Variants in UNC5D observed in about 807,000 individuals in gnomAD.
UNC5D encodes netrin receptor UNC5D.
UNC5D carries 39 observed loss-of-function variants against 105.4 expected under a neutral mutation model. That is an observed-to-expected ratio of 0.37 (90% CI 0.29 to 0.48). The LOEUF (loss-of-function observed/expected upper bound fraction) is 0.48. Ranked by LOEUF, UNC5D falls within the 20% of genes least tolerant of loss-of-function variation. The pLI, the probability that UNC5D is intolerant of heterozygous loss-of-function variation, is 0.98. For synonymous variants in UNC5D, 452 were observed against 450.4 expected, an observed-to-expected ratio of 1.00 and a Z score of -0.04; for missense variants, 991 against 1,202.4, an observed-to-expected ratio of 0.82 and a Z score of 2.60.
rs141249765 is a variant in UNC5D, at chr8:35,473,809, G to T, written c.104-75483G>T. Among the ~76,000 whole-genome samples, 9 of 151,596 alleles carry T rather than the reference G, an allele frequency of 5.9e-5. No homozygotes were observed. The East Asian group carries it at 1.8e-3, about 30-fold the overall frequency. On this transcript the variant is annotated intron_variant, in intron 1 of 16. Transcript: ENST00000404895. ...TGTGTGTCTTTGTGTTGCTATAACA[G>T]AATATGTGAGCCTGGCTAATGTATT...
At chr8:35,597,059 G>C (rs1439158) in intron 4 of UNC5D, among the ~76,000 whole-genome samples, 71,860 of 151,978 alleles carry the variant, frequency 0.47, 20,392 homozygotes, top group African/African-American at 0.81. Flanking sequence ...AAACCAGGAG[G>C]CTTTGCTTCA....
At chr8:35,379,585 C>T (rs766845659) in intron 1 of UNC5D, among the ~76,000 whole-genome samples, 2 of 152,046 alleles carry the variant, frequency 1.3e-5, no homozygotes, top group Non-Finnish European at 2.9e-5. Flanking sequence ...TTGCCTGGAC[C>T]GTCCTGCACT....
At chr8:35,296,188 G>T (rs1259058639) in intron 1 of UNC5D, among the ~76,000 whole-genome samples, 1 of 152,162 alleles carries the variant, frequency 6.6e-6, no homozygotes, top group Non-Finnish European at 1.5e-5. Context: ...AACAGGAATT[G>T]CTGGTTACAT....
chr8:35,729,024 C>T (rs563846297), intron 10 of UNC5D, among the ~76,000 whole-genome samples: 23 of 152,192 alleles, frequency 1.5e-4, no homozygotes, highest in South Asian at 1.0e-3. Flanking sequence ...TCAGACTCCA[C>T]GTAGTATTTG....
At chr8:35,434,290 T>G (rs951864310) in intron 1 of UNC5D, among the ~76,000 whole-genome samples, 1 of 152,130 alleles carries the variant, frequency 6.6e-6, no homozygotes, top group Non-Finnish European at 1.5e-5. Flanking sequence ...ATGTAGCAAG[T>G]TCCACTAATG....
chr8:35,297,729 T>C (rs2128867879), intron 1 of UNC5D, among the ~76,000 whole-genome samples: 1 of 152,098 alleles, frequency 6.6e-6, no homozygotes, highest in East Asian at 1.9e-4. Context: ...ATTATAAATG[T>C]GACAGGTGTG....
At chr8:35,467,867 G>C (rs1809425355) in intron 1 of UNC5D, among the ~76,000 whole-genome samples, 1 of 152,128 alleles carries the variant, frequency 6.6e-6, no homozygotes, top group African/African-American at 2.4e-5. Context: ...TTTTTAGTGG[G>C]AGATTGTTTG....
At chr8:35,465,916 A>G (rs1809272780) in intron 1 of UNC5D, among the ~76,000 whole-genome samples, 1 of 152,162 alleles carries the variant, frequency 6.6e-6, no homozygotes, top group African/African-American at 2.4e-5. Flanking sequence ...AGGTGGAGGA[A>G]GGGACCATGA....
chr8:35,747,291 G>A (rs1830055738), intron 11 of UNC5D, among the ~76,000 whole-genome samples: 1 of 152,154 alleles, frequency 6.6e-6, no homozygotes, highest in Admixed American at 6.5e-5. Context: ...TTACTAACTT[G>A]AGAGAATAGG....
chr8:35,500,727 T>A (rs1811908661), intron 1 of UNC5D, among the ~76,000 whole-genome samples: 1 of 152,182 alleles, frequency 6.6e-6, no homozygotes, highest in South Asian at 2.1e-4. Flanking sequence ...CACAGAGCCT[T>A]GTATATCACG....
At chr8:35,515,049 G>A (rs986089559) in intron 1 of UNC5D, among the ~76,000 whole-genome samples, 1 of 152,274 alleles carries the variant, frequency 6.6e-6, no homozygotes, top group South Asian at 2.1e-4. Context: ...ATGGATTTCC[G>A]GTGGTTAGGG....
intron 16 of UNC5D, among the ~76,000 whole-genome samples, chr8:35,787,644 G>T (rs188485685): frequency 2.0e-5 from 3 of 152,266 alleles, no homozygotes; most frequent in Non-Finnish European, 4.4e-5. Flanking sequence ...TTGAGACAGG[G>T]TCTCACTCTG....
intron 1 of UNC5D, among the ~76,000 whole-genome samples, chr8:35,358,859 T>C (rs1380755724): frequency 6.6e-6 from 1 of 152,216 alleles, no homozygotes; most frequent in South Asian, 2.1e-4. Flanking sequence ...TTTTTTGGTA[T>C]TTTTGTGGAG....
At chr8:35,778,963 G>A (rs2131761719) in intron 16 of UNC5D, among the ~76,000 whole-genome samples, 1 of 152,294 alleles carries the variant, frequency 6.6e-6, no homozygotes, top group South Asian at 2.1e-4. Flanking sequence ...CAACACAGGT[G>A]GCCTTGCCGC....
intron 1 of UNC5D, among the ~76,000 whole-genome samples, chr8:35,400,440 G>A (rs891347041): frequency 7.9e-5 from 12 of 152,116 alleles, no homozygotes; most frequent in East Asian, 5.8e-4. Flanking sequence ...CCCGGATTAC[G>A]CTAACAACAA....
At chr8:35,591,222 T>G (rs938706883) in intron 3 of UNC5D, among the ~76,000 whole-genome samples, 6 of 151,864 alleles carry the variant, frequency 4.0e-5, no homozygotes, top group Non-Finnish European at 7.4e-5. Flanking sequence ...CTAACTTGTT[T>G]GCAAATAAAA....
intron 4 of UNC5D, among the ~76,000 whole-genome samples, chr8:35,652,266 A>T (rs911817551): frequency 1.3e-5 from 2 of 152,240 alleles, no homozygotes; most frequent in Non-Finnish European, 1.5e-5. Flanking sequence ...GATGGCTAAA[A>T]AAAACATAAA....
chr8:35,514,613 C>T (rs1199043538), intron 1 of UNC5D, among the ~76,000 whole-genome samples: 2 of 152,160 alleles, frequency 1.3e-5, no homozygotes, highest in African/African-American at 4.8e-5. Context: ...TAGCTTTGAA[C>T]ATTGCTTTAT....
Position 35,759,566 on chromosome 8 carries a change from T to A in UNC5D, c.2313+97T>A, listed in dbSNP as rs1441963376. ...GGGTCTGCTTGATTTTCCTCCTCCT[T>A]TAAAGGATGGATTTCACCTCAAAAC... On this transcript the variant is annotated intron_variant, in intron 14 of 16. Coordinates refer to ENST00000404895, the MANE Select transcript of UNC5D (RefSeq NM_080872.4). The A allele has an allele frequency of 5.0e-6, 7 of 1,397,664 alleles. No individual in the cohort carries two copies. In the East Asian group the frequency reaches 1.4e-4, roughly 28 times the overall value. 86.6% of individuals were successfully genotyped at this position (1,397,664 alleles called of 1,614,324 possible).
Sources: allele counts gnomAD v4.1 joint callset (sites outside exome capture counted in the v4.1 genomes callset), GRCh38; gene constraint gnomAD v4.1.1; transcripts MANE v1.5; gene names NCBI Gene and HGNC (gene_info 2026-07-23, HGNC 2026-07-21).